Variants in RAPGEF4 observed in about 807,000 individuals in gnomAD.
The protein encoded by RAPGEF4 is Rap guanine nucleotide exchange factor 4, also known as RAP guanine-nucleotide-exchange factor (GEF) 4.
Under a neutral mutation model 147.9 loss-of-function variants are expected in RAPGEF4, and 66 were observed. The observed-to-expected ratio is 0.45, with a 90% CI of 0.37 to 0.55. The LOEUF (loss-of-function observed/expected upper bound fraction) is 0.55. Ranked by LOEUF, RAPGEF4 falls within the 20% of genes least tolerant of loss-of-function variation. RAPGEF4 has a pLI of 0.00. For missense variants in RAPGEF4, 1,071 were observed against 1,257.3 expected, an observed-to-expected ratio of 0.85 and a Z score of 2.24; for synonymous variants, 419 against 442.7, an observed-to-expected ratio of 0.95 and a Z score of 0.67.
rs527579058 is a variant in RAPGEF4 at position 172,753,353 on chromosome 2, A to G, written c.65+17305A>G. On this transcript the variant is annotated intron_variant, in intron 1 of 30. Coordinates refer to ENST00000397081, the MANE Select transcript of RAPGEF4 (RefSeq NM_007023.4). ...TTTTTAAAAACTGGAAAATTATTTA[A>G]AAGAAAACTGTTCTTCCATTTTAGT... Among the ~76,000 whole-genome samples, 3 of 152,180 alleles carry G rather than the reference A, an allele frequency of 2.0e-5. No individual in the cohort carries two copies. In the East Asian group the frequency reaches 5.8e-4, roughly 29 times the overall value.
chr2:173,007,056 A>G (rs1694552140), intron 17 of RAPGEF4, among the ~76,000 whole-genome samples: 1 of 152,232 alleles, frequency 6.6e-6, no homozygotes, highest in African/African-American at 2.4e-5. Flanking sequence ...TCTCGGCCTC[A>G]TATCAACACT....
At position 173,048,636 on chromosome 2, in the gene RAPGEF4, T is replaced by G; in HGVS notation, c.2890T>G (p.Tyr964Asp). The G allele has an allele frequency of 6.2e-7, 1 of 1,614,166 alleles. No homozygotes were observed. Among genetic ancestry groups the G allele is most frequent in the Non-Finnish European group, 8.5e-7 (1 of 1,180,030 alleles). The change falls in exon 30 of 31, where the codon TAC becomes GAC. Residue 964 changes from tyrosine (Y) to aspartate (D), a missense_variant. Transcript: ENST00000397081. ...IANTARTVRY[Y>D]RSQPFNPDAA... ...AAATACGGCCAGAACAGTGAGATAC[T>G]ACAGGAGCCAACCCTTCAGTAAGTT...
chr2:172,744,293 G>C (rs532762143), intron 1 of RAPGEF4: 38 of 409,184 alleles, frequency 9.3e-5, no homozygotes, highest in Non-Finnish European at 1.8e-4. Context: ...GGATCAGCCA[G>C]ACCTGGATTC....
At chr2:172,821,744 A>T (rs1474334402) in intron 4 of RAPGEF4, 2 of 1,049,426 alleles carry the variant, frequency 1.9e-6, no homozygotes, top group African/African-American at 3.5e-5. Context: ...AGTTAAAAAA[A>T]AAAAAAAAAA....
intron 4 of RAPGEF4, among the ~76,000 whole-genome samples, chr2:172,850,365 C>G (rs1415450765): frequency 6.6e-6 from 1 of 152,012 alleles, no homozygotes; most frequent in African/African-American, 2.4e-5. Context: ...TGCCTGTAAT[C>G]CTAGCACTTC....
At chr2:172,811,813 A>C (rs1688050988) in intron 3 of RAPGEF4, among the ~76,000 whole-genome samples, 1 of 152,216 alleles carries the variant, frequency 6.6e-6, no homozygotes, top group African/African-American at 2.4e-5. Context: ...AACATATATT[A>C]GTTCTGCTAA....
At chr2:173,033,853 A>T in intron 26 of RAPGEF4, 61 bp from the exon 27 acceptor site, 2 of 1,485,394 alleles carry the variant, frequency 1.3e-6, no homozygotes, top group Non-Finnish European at 1.9e-6. Context: ...ATGGTAACCC[A>T]TGATACATAT....
intron 4 of RAPGEF4, among the ~76,000 whole-genome samples, chr2:172,869,361 A>G (rs1192302382): frequency 2.0e-5 from 3 of 152,332 alleles, no homozygotes; most frequent in South Asian, 2.1e-4. Context: ...TTAAGGAATA[A>G]TTTTGAGCAT....
intron 4 of RAPGEF4, chr2:172,814,739 G>A (rs1259319846): frequency 6.0e-6 from 2 of 334,106 alleles, no homozygotes; most frequent in South Asian, 3.1e-5. Context: ...CTTAACCAGG[G>A]AACAAAATAC....
At chr2:172,760,506 C>G (rs1040224936) in intron 1 of RAPGEF4, among the ~76,000 whole-genome samples, 9 of 152,110 alleles carry the variant, frequency 5.9e-5, no homozygotes, top group African/African-American at 2.2e-4. Context: ...ATCACAAGGT[C>G]AGGAGATCGA....
At chr2:172,743,624 A>G (rs1218176125) in intron 1 of RAPGEF4, among the ~76,000 whole-genome samples, 1 of 152,236 alleles carries the variant, frequency 6.6e-6, no homozygotes, top group East Asian at 1.9e-4. Flanking sequence ...TAGAAAAACA[A>G]CATAGTTATT....
At chr2:172,940,567 C>T (rs1687047670) in intron 6 of RAPGEF4, among the ~76,000 whole-genome samples, 1 of 152,170 alleles carries the variant, frequency 6.6e-6, no homozygotes, top group African/African-American at 2.4e-5. Context: ...CTCCCTGAGG[C>T]CTCCCCATAA....
At chr2:172,900,906 G>C (rs945813364) in intron 4 of RAPGEF4, among the ~76,000 whole-genome samples, 5 of 152,098 alleles carry the variant, frequency 3.3e-5, no homozygotes, top group African/African-American at 1.2e-4. Context: ...CATTTAAAAT[G>C]TAATTAAGGT....
intron 4 of RAPGEF4, among the ~76,000 whole-genome samples, chr2:172,899,435 G>A (rs1698842072): frequency 6.6e-6 from 1 of 152,184 alleles, no homozygotes; most frequent in African/African-American, 2.4e-5. Flanking sequence ...TGGAAAGTGA[G>A]ACTCTTGGCT....
rs112518670 is a variant in RAPGEF4 at position 172,913,326 on chromosome 2, T to C, written c.445-4476T>C. On this transcript the variant is annotated intron_variant, in intron 4 of 30. Coordinates refer to ENST00000397081, the MANE Select transcript of RAPGEF4 (RefSeq NM_007023.4). ...CAGGTATCAAATTCTGCTTCAGTTA[T>C]CTATTGCTGTGTAACAAACCATGCC... Among the ~76,000 whole-genome samples, 553 of 152,348 alleles carry C rather than the reference T, an allele frequency of 3.6e-3. 4 individuals are homozygous for C. Among genetic ancestry groups the C allele is most frequent in the African/African-American group, 0.012 (486 of 41,580 alleles).
intron 23 of RAPGEF4, among the ~76,000 whole-genome samples, chr2:173,024,119 G>A (rs923709237): frequency 5.3e-5 from 8 of 152,116 alleles, no homozygotes; most frequent in African/African-American, 1.9e-4. Context: ...CCTGTGTAGA[G>A]TAAATTGGGA....
chr2:172,762,622 G>T (rs1696455700), intron 1 of RAPGEF4, among the ~76,000 whole-genome samples: 1 of 152,208 alleles, frequency 6.6e-6, no homozygotes, highest in African/African-American at 2.4e-5. Flanking sequence ...CAGAAGAAGA[G>T]GTGGCCAACA....
At chr2:172,803,231 C>T (rs1280459066) in intron 3 of RAPGEF4, among the ~76,000 whole-genome samples, 2 of 152,204 alleles carry the variant, frequency 1.3e-5, no homozygotes, top group East Asian at 1.9e-4. Flanking sequence ...CCCTAGCAGA[C>T]GTTCTCCATG....
chr2:173,046,234 G>A (rs1227157301), intron 29 of RAPGEF4, among the ~76,000 whole-genome samples: 1 of 152,134 alleles, frequency 6.6e-6, no homozygotes, highest in Non-Finnish European at 1.5e-5. Context: ...GATTTAGAAA[G>A]GTAGAATGAA....
Sources: allele counts gnomAD v4.1 joint callset (sites outside exome capture counted in the v4.1 genomes callset), GRCh38; gene constraint gnomAD v4.1.1; transcripts MANE v1.5; gene names NCBI Gene and HGNC (gene_info 2026-07-23, HGNC 2026-07-21).